Variants in HLTF observed in about 807,000 individuals in gnomAD.
The protein encoded by HLTF is DNA-dependent ATPase/E3 ubiquitin-protein ligase HLTF.
In HLTF, 127 loss-of-function variants were observed where a neutral mutation model predicts 129.4. That is an observed-to-expected ratio of 0.98 (90% confidence interval 0.85 to 1.14). The LOEUF (loss-of-function observed/expected upper bound fraction) is 1.14, where lower values mean the gene tolerates loss of function less well. Among genes scored for constraint, HLTF ranks in the 50% most tolerant of loss-of-function variants. The probability of loss-of-function intolerance (pLI) is 0.00; values close to 1 mark genes in which losing one functional copy is unlikely to be tolerated. For missense variants in HLTF, 1,139 were observed against 1,187.1 expected, an observed-to-expected ratio of 0.96 and a Z score of 0.60; for synonymous variants, 332 against 388.8, an observed-to-expected ratio of 0.85 and a Z score of 1.72.
intron 10 of HLTF, among the ~76,000 whole-genome samples, chr3:149,061,370 C>T (rs2108018761): frequency 6.6e-6 from 1 of 151,674 alleles, no homozygotes; most frequent in East Asian, 1.9e-4. Context: ...GAGATTGCGC[C>T]ACTGCACACC....
rs138658648 is a variant in HLTF at position 149,060,648 on chromosome 3, G to A, written c.1280C>T (p.Ala427Val). 187 of 1,610,856 alleles carry A rather than the reference G, an allele frequency of 1.2e-4. No individual in the cohort carries two copies. Among genetic ancestry groups the A allele is most frequent in the Middle Eastern group, 3.4e-4 (2 of 5,878 alleles). Reference protein sequence around the residue: ...KNVQSETKGRAKAGSSKVIED... With the variant: ...KNVQSETKGRVKAGSSKVIED... ...GGTATATAGTATACACATACCTTTC[G>A]CCCTGCCTTTAGTTTCAGACTGTAC... is the stretch of plus-strand genomic sequence containing the variant. Residue 427 changes from alanine (A) to valine (V), a missense_variant, in exon 12 of 25, where the codon GCG becomes GTG. By Grantham distance (64) the Ala-to-Val change is moderately conservative. Coordinates refer to ENST00000310053, the MANE Select transcript of HLTF (RefSeq NM_003071.4).
intron 15 of HLTF, among the ~76,000 whole-genome samples, chr3:149,049,662 T>C (rs1426422471): frequency 6.6e-6 from 1 of 152,158 alleles, no homozygotes; most frequent in Non-Finnish European, 1.5e-5. Flanking sequence ...ATACTTACAA[T>C]CCAAATTTAA....
At chr3:149,052,248 G>T (rs1476527717) in intron 14 of HLTF, 1 of 151,252 alleles carries the variant, frequency 6.6e-6, no homozygotes, top group Admixed American at 6.6e-5. Flanking sequence ...AGTAGATGGA[G>T]ATCTCATTAA....
At chr3:149,044,528 G>C (rs1199623559) in intron 18 of HLTF, among the ~76,000 whole-genome samples, 2 of 151,858 alleles carry the variant, frequency 1.3e-5, no homozygotes, top group East Asian at 3.9e-4. Flanking sequence ...TCACTCCCTT[G>C]GTGATCTCAT....
chr3:149,073,442 C>T (rs1719043677), intron 4 of HLTF, 120 bp from the exon 5 acceptor site: 1 of 689,136 alleles, frequency 1.5e-6, no homozygotes, highest in African/African-American at 1.8e-5. Context: ...GCCTGTAACC[C>T]AAGCACTTTG....
intron 2 of HLTF, among the ~76,000 whole-genome samples, chr3:149,084,208 C>T (rs1015573711): frequency 6.6e-6 from 1 of 152,092 alleles, no homozygotes; most frequent in African/African-American, 2.4e-5. Flanking sequence ...AATCAAAAAA[C>T]AATTTGAAAC....
chr3:149,074,658 T>C (rs1719186957), intron 3 of HLTF, among the ~76,000 whole-genome samples: 2 of 152,168 alleles, frequency 1.3e-5, no homozygotes, highest in Non-Finnish European at 1.5e-5. Flanking sequence ...AGGGTAGAGT[T>C]TGGCTAACGG....
At chr3:149,053,930 G>C (rs1382414012) in intron 14 of HLTF, among the ~76,000 whole-genome samples, 1 of 151,922 alleles carries the variant, frequency 6.6e-6, no homozygotes, top group Non-Finnish European at 1.5e-5. Flanking sequence ...ATTAAAGAAA[G>C]AACAGTTTCG....
chr3:149,067,798 T>C (rs573177090), intron 8 of HLTF, among the ~76,000 whole-genome samples: 4 of 152,278 alleles, frequency 2.6e-5, no homozygotes, highest in African/African-American at 7.2e-5. Context: ...CTGGCAAAAT[T>C]GTTCAAAGAT....
chr3:149,032,611 GA>G (rs1005057011), intron 24 of HLTF, among the ~76,000 whole-genome samples: 84 of 150,352 alleles, frequency 5.6e-4, no homozygotes, highest in Non-Finnish European at 6.7e-4. Flanking sequence ...AAGCAATAAA[GA>G]AAAAAAAAGC....
chr3:149,060,752 T>G (rs778935954), intron 11 of HLTF, 27 bp downstream of exon 11: 1 of 1,606,258 alleles, frequency 6.2e-7, no homozygotes, highest in Non-Finnish European at 8.5e-7. Flanking sequence ...TAGGACACAT[T>G]ATCAAATCAA....
At chr3:149,034,836 A>G in intron 24 of HLTF, 82 bp downstream of exon 24, 2 of 887,922 alleles carry the variant, frequency 2.3e-6, no homozygotes, top group South Asian at 2.8e-5. Context: ...ACACTCAATC[A>G]TAATAATATA....
chr3:149,058,029 T>A (rs914049359), intron 13 of HLTF, among the ~76,000 whole-genome samples: 2 of 152,182 alleles, frequency 1.3e-5, no homozygotes, highest in Non-Finnish European at 2.9e-5. Context: ...CTGCACAACT[T>A]TGTCAATACT....
In HLTF at chr3:149,068,223, A is replaced by T; in HGVS notation, c.990+17T>A. ...AAACTGGAGGTTTCACATAAAGCGC[A>T]CTTACTACTACTTTACCTTCTTCAG... On this transcript the variant is annotated intron_variant, in intron 8 of 24. Transcript: ENST00000310053. 1 of 1,083,006 alleles carries T rather than the reference A, an allele frequency of 9.2e-7. No individual in the cohort carries two copies. The highest frequency in any genetic ancestry group is 1.4e-6 in the Non-Finnish European group (1 of 728,968). 67.1% of individuals were successfully genotyped at this position (1,083,006 alleles called of 1,614,324 possible).
At chr3:149,058,881 T>C (rs1470035402) in intron 13 of HLTF, among the ~76,000 whole-genome samples, 6 of 152,244 alleles carry the variant, frequency 3.9e-5, no homozygotes, top group Non-Finnish European at 5.9e-5. Context: ...TAATGTGTAA[T>C]TTAATTCTAT....
Position 149,050,351 on chromosome 3 carries a change from A to C in HLTF, c.1498T>G (p.Ser500Ala). The C allele has an allele frequency of 6.3e-7, 1 of 1,590,294 alleles. No homozygotes were observed. The highest frequency in any genetic ancestry group is 8.6e-7 in the Non-Finnish European group (1 of 1,165,950). The change falls in exon 15 of 25, where the codon TCA (serine) becomes GCA (alanine). Residue 500 changes from serine to alanine, a missense_variant. Physicochemically the swap from Ser to Ala is moderately conservative, Grantham distance 99. Transcript: ENST00000310053. ...WIDQFGQHIK[S>A]DVHLNFYVYY... ...ACATAAAAATTCAAGTGTACATCTG[A>C]TTTTATATGTTGTCCAAACTGGTCC...
rs1212843104 is a variant in HLTF, at chr3:149,040,158, T to A, written c.2377-2A>T. 1 of 1,604,042 alleles carries A rather than the reference T, an allele frequency of 6.2e-7. No homozygotes were observed. The highest frequency in any genetic ancestry group is 8.5e-7 in the Non-Finnish European group (1 of 1,177,332). ...GCATAAAGGGCATTTAGCATGTGGC[T>A]ATATAAGAAAGAACGAAGTATGAGC... On this transcript the variant is annotated splice_acceptor_variant, in intron 20 of 24. Coordinates refer to ENST00000310053, the MANE Select transcript of HLTF (RefSeq NM_003071.4). LOFTEE classifies it high-confidence loss of function.
chr3:149,078,191 T>G (rs576635006), intron 2 of HLTF, among the ~76,000 whole-genome samples: 1 of 152,286 alleles, frequency 6.6e-6, no homozygotes, highest in East Asian at 1.9e-4. Context: ...ATGTCAACTG[T>G]CCCCAAGAAA....
chr3:149,072,273 T>G (rs1411227171), intron 5 of HLTF, among the ~76,000 whole-genome samples: 5 of 152,208 alleles, frequency 3.3e-5, no homozygotes, highest in Admixed American at 3.3e-4. Flanking sequence ...TCAGCAAGAC[T>G]TGACCTTTAT....
Sources: gnomAD v4.1 joint callset for allele counts (sites outside exome capture counted in the v4.1 genomes callset) on GRCh38, gnomAD v4.1.1 for gene constraint, MANE v1.5 for transcripts, NCBI Gene and HGNC (gene_info 2026-07-23, HGNC 2026-07-21) for gene names.